Variants in SOX13 observed in about 807,000 individuals in gnomAD.
The protein encoded by SOX13 is SRY-box transcription factor 13, also known as transcription factor SOX-13.
In SOX13, 28 loss-of-function variants were observed where a neutral mutation model predicts 71.8. That is an observed-to-expected ratio of 0.39 (90% CI 0.29 to 0.53). The LOEUF is 0.53. Ranked by LOEUF, SOX13 falls within the 20% of genes least tolerant of loss-of-function variation. The pLI, the probability that SOX13 is intolerant of heterozygous loss-of-function variation, is 0.70. For missense variants in SOX13, 627 were observed against 810.3 expected (o/e 0.77, Z 2.75); for synonymous variants, 309 against 317.8 (o/e 0.97, Z 0.29).
At chr1:204,087,342 G>C (rs994213333) in intron 1 of SOX13, among the ~76,000 whole-genome samples, 1 of 152,346 alleles carries the variant, frequency 6.6e-6, no homozygotes, top group South Asian at 2.1e-4. Flanking sequence ...TCAGGTGCCT[G>C]CCTTCCCAGG....
At chr1:204,121,061 C>A (rs1178608801) in intron 7 of SOX13, among the ~76,000 whole-genome samples, 1 of 150,976 alleles carries the variant, frequency 6.6e-6, no homozygotes, top group Non-Finnish European at 1.5e-5. Flanking sequence ...CTCACTGCAA[C>A]CTCCGCCTCC....
At chr1:204,115,738 C>T (rs796778851) in intron 4 of SOX13, among the ~76,000 whole-genome samples, 1 of 134,152 alleles carries the variant, frequency 7.5e-6, no homozygotes, top group Non-Finnish European at 1.5e-5. Context: ...GTGATTTCGG[C>T]TCACTGCAAA....
Position 204,122,246 on chromosome 1 carries a change from C to A in SOX13, c.871C>A (p.Gln291Lys). The change falls in exon 9 of 14, where the codon CAG (glutamine) becomes AAG (lysine). Residue 291 changes from glutamine to lysine, a missense_variant. By Grantham distance (53) the Gln-to-Lys change is moderately conservative (BLOSUM62 1). Transcript: ENST00000367204. ...GCTGGGTCTCCCTCAGGAGCCCTCC[C>A]AGCCCCTGAACCTCACAGCCAAGCC... ...ATHHPLQEPSQPLNLTAKPKA... is the reference protein window; with the variant it reads ...ATHHPLQEPSKPLNLTAKPKA... 6.3e-7 allele frequency: 1 copy of A among 1,581,166 alleles called. No individual in the cohort carries two copies. Among genetic ancestry groups the A allele is most frequent in the East Asian group, 2.3e-5 (1 of 43,232 alleles).
At chr1:204,115,935 G>A (rs1571589669) in intron 4 of SOX13, 1 of 199,808 alleles carries the variant, frequency 5.0e-6, no homozygotes, top group East Asian at 1.4e-4. Flanking sequence ...CAAAGTGCTG[G>A]GATTACAGGC....
rs1456842890 is a variant in SOX13 at position 204,123,552 on chromosome 1, C to G, written c.1232-109C>G. ...CCTCCTCGGCTGGCTGCTGTGGGAGCCTCCTCAGTGCCTCCTGCTGGTCAA... is the reference window on the plus strand; with the variant it reads ...CCTCCTCGGCTGGCTGCTGTGGGAGGCTCCTCAGTGCCTCCTGCTGGTCAA... On this transcript the variant is annotated intron_variant, in intron 11 of 13. Coordinates refer to ENST00000367204, the MANE Select transcript of SOX13 (RefSeq NM_005686.3). The surrounding 1 kb of genome is among the most constrained non-coding windows in gnomAD (Gnocchi z 5.0). The G allele has an allele frequency of 1.7e-6, 2 of 1,209,076 alleles. No homozygotes were observed. Among genetic ancestry groups the G allele is most frequent in the East Asian group, 5.1e-5 (2 of 39,070 alleles). The allele number at this position is 1,209,076 out of a possible 1,614,324, so 74.9% of individuals were successfully genotyped here. A position where few individuals can be genotyped will look rare whatever the true frequency, so the allele number is the denominator to read the frequency against.
In SOX13 at chr1:204,117,118, C is replaced by T. The variant is rs201557813; in HGVS notation, c.592-4C>T. ...CCCCTCTGCCTACTCTTTCCCTCTC[C>T]CAGATTGCAAAGCAGCAGCAGCAGC... On this transcript the variant is annotated splice_region_variant and splice_polypyrimidine_tract_variant and intron_variant, in intron 5 of 13. Coordinates refer to ENST00000367204, the MANE Select transcript of SOX13 (RefSeq NM_005686.3). The T allele has an allele frequency of 6.2e-7, 1 of 1,613,812 alleles. No individual in the cohort carries two copies. The highest frequency in any genetic ancestry group is 2.2e-5 in the East Asian group (1 of 44,864).
chr1:204,085,242 ACTGT>A lies in SOX13; in HGVS notation c.-2+11536_-2+11539del, dbSNP rs1655992307. ...ACAGACAGGCAGCTTCTGGAGCCAGACTGTCTGTGTGATCTTGGGTAAGTAATCT... is the reference window on the plus strand; with the variant it reads ...ACAGACAGGCAGCTTCTGGAGCCAGACTGTGTGATCTTGGGTAAGTAATCT... On this transcript the variant is annotated intron_variant, in intron 1 of 13. Transcript: ENST00000367204. Among the ~76,000 whole-genome samples the A allele has an allele frequency of 7.9e-5, 12 of 152,314 alleles. 1 individual carries two copies. The South Asian group carries it at 2.5e-3, about 32-fold the overall frequency.
intron 1 of SOX13, among the ~76,000 whole-genome samples, chr1:204,089,605 A>G (rs1395716778): frequency 6.6e-6 from 1 of 152,028 alleles, no homozygotes; most frequent in East Asian, 1.9e-4. Context: ...AAGCAAAACA[A>G]CCCCCTCTCT....
At chr1:204,086,005 T>TGCCTTCTA (rs1441458974) in intron 1 of SOX13, among the ~76,000 whole-genome samples, 1 of 149,956 alleles carries the variant, frequency 6.7e-6, no homozygotes, top group African/African-American at 2.4e-5. Flanking sequence ...ATGTAGGAAG[T>TGCCTTCTA]GCCTTCTAGC....
chr1:204,084,503 C>G (rs1655976164), intron 1 of SOX13, among the ~76,000 whole-genome samples: 1 of 152,190 alleles, frequency 6.6e-6, no homozygotes, highest in Admixed American at 6.5e-5. Flanking sequence ...CAGGCAGGTG[C>G]TGGCAGGGGC....
chr1:204,086,900 A>G (rs1342960737), intron 1 of SOX13, among the ~76,000 whole-genome samples: 1 of 146,130 alleles, frequency 6.8e-6, no homozygotes, highest in African/African-American at 2.6e-5. Flanking sequence ...TAGATCTGTA[A>G]CAAGGAGACA....
At chr1:204,089,054 G>A (rs1487858664) in intron 1 of SOX13, among the ~76,000 whole-genome samples, 1 of 151,982 alleles carries the variant, frequency 6.6e-6, no homozygotes, top group Non-Finnish European at 1.5e-5. Context: ...GAGAATGAGA[G>A]GAGCAGAAAG....
At chr1:204,086,049 C>T (rs998426388) in intron 1 of SOX13, among the ~76,000 whole-genome samples, 5 of 152,126 alleles carry the variant, frequency 3.3e-5, no homozygotes, top group Non-Finnish European at 7.3e-5. Context: ...AGCCAGACCC[C>T]GGAGGTGTGA....
intron 1 of SOX13, among the ~76,000 whole-genome samples, chr1:204,109,140 C>T (rs1403831340): frequency 6.6e-6 from 1 of 152,162 alleles, no homozygotes; most frequent in Non-Finnish European, 1.5e-5. Context: ...GGCCTGGGGT[C>T]TCTTCTCTTC....
In SOX13 at chr1:204,126,280, T is replaced by C. The variant is rs973680225; in HGVS notation, c.*146T>C. The C allele has an allele frequency of 4.4e-5, 39 of 882,506 alleles. 1 individual carries two copies. In the African/African-American group the frequency reaches 5.4e-4, roughly 12 times the overall value. 54.7% of individuals were successfully genotyped at this position (882,506 alleles called of 1,614,324 possible). ...GCAAAGCTGTGCACTTGCAGATACA[T>C]TCATGAGGGGAGAGGCGCCCTCCCT... On this transcript the variant is annotated 3_prime_UTR_variant, in exon 14 of 14. Coordinates refer to ENST00000367204, the MANE Select transcript of SOX13 (RefSeq NM_005686.3).
At chr1:204,117,275 T>A in intron 6 of SOX13, 85 bp downstream of exon 6, 1 of 1,202,174 alleles carries the variant, frequency 8.3e-7, no homozygotes, top group East Asian at 2.4e-5. Context: ...ACAGGGGATG[T>A]GCACCAAGTT....
rs1270368968 is a variant in SOX13, at chr1:204,113,065, C to A, written c.150C>A (p.Asp50Glu). Residue 50 changes from aspartate (D) to glutamate (E), a missense_variant, in exon 2 of 14, where the codon GAC (aspartate) becomes GAA (glutamate). Around this residue, in one of 3 missense-constraint regions of SOX13, gnomAD observed 447 missense variants for 532.2 expected, o/e 0.84. Coordinates refer to ENST00000367204, the MANE Select transcript of SOX13 (RefSeq NM_005686.3). ...SATAAEPQPG[D>E]PARASQDSAD... ...CTGCCGCTGAACCTCAGCCTGGAGA[C>A]CCAGCCCGGGCCTCCCAGGATAGTG... 2 of 1,605,486 alleles carry A rather than the reference C, an allele frequency of 1.2e-6. No homozygotes were observed. Among genetic ancestry groups the A allele is most frequent in the East Asian group, 4.5e-5 (2 of 44,554 alleles).
At chr1:204,092,911 C>CCG (rs1656176293) in intron 1 of SOX13, among the ~76,000 whole-genome samples, 1 of 152,036 alleles carries the variant, frequency 6.6e-6, no homozygotes, top group African/African-American at 2.4e-5. Context: ...CGCTTCCTAA[C>CCG]TGAAATGCCA....
intron 1 of SOX13, among the ~76,000 whole-genome samples, chr1:204,074,724 G>T (rs1655749214): frequency 1.3e-5 from 2 of 152,186 alleles, no homozygotes; most frequent in Non-Finnish European, 2.9e-5. Flanking sequence ...GCCGGGCCTG[G>T]GCGGGAAGTG....
Sources: allele counts gnomAD v4.1 joint callset (sites outside exome capture counted in the v4.1 genomes callset), GRCh38; gene constraint gnomAD v4.1.1; regional missense constraint gnomAD v4.1.1; non-coding constraint Gnocchi (gnomAD v3.1); transcripts MANE v1.5; gene names NCBI Gene and HGNC (gene_info 2026-07-23, HGNC 2026-07-21).